Variants in DACH2 observed in about 807,000 individuals in gnomAD.
DACH2 encodes the protein dachshund family transcription factor 2.
In DACH2, 17 loss-of-function variants were observed where a neutral mutation model predicts 35.8. The ratio of observed to expected loss-of-function variants is 0.48; its 90% confidence interval spans 0.33 to 0.71. DACH2 has a LOEUF of 0.71. Among genes scored for constraint, DACH2 ranks in the 30% least tolerant of loss-of-function variants. The pLI is 0.02. For missense variants in DACH2, 469 were observed against 472.7 expected, an observed-to-expected ratio of 0.99 and a Z score of 0.07; for synonymous variants, 195 against 177.3, an observed-to-expected ratio of 1.10 and a Z score of -0.79.
In DACH2 at chrX:86,627,707, A is replaced by G. The variant is rs1293969043; in HGVS notation, c.641-23329A>G. Among the ~76,000 whole-genome samples the G allele has an allele frequency of 2.7e-5, 3 of 111,901 alleles. No individual in the cohort carries two copies. In the Admixed American group the frequency reaches 2.9e-4, roughly 11 times the overall value. On this transcript the variant is annotated intron_variant, in intron 3 of 11. Coordinates refer to ENST00000373125, the MANE Select transcript of DACH2 (RefSeq NM_053281.3). ...ATTTATATCAATACATCTATATTTA[A>G]TTTTATGTACTCATTAAATTGAGAA...
chrX:86,807,552 T>C (rs1323096765), intron 7 of DACH2, among the ~76,000 whole-genome samples: 2 of 111,884 alleles, frequency 1.8e-5, no homozygotes, highest in Non-Finnish European at 3.8e-5. Flanking sequence ...ATAACATATG[T>C]TAATATTTAC....
rs187786912 is a variant in DACH2 at position 86,827,936 on chromosome X, C to T, written c.1751-4170C>T. ...ACTGATAAATAGAACCTTACACATA[C>T]AGGAAAAATGTCCTAGAGAATGGGT... is the stretch of plus-strand genomic sequence containing the variant. On this transcript the variant is annotated intron_variant, in intron 11 of 11. Coordinates refer to ENST00000373125, the MANE Select transcript of DACH2 (RefSeq NM_053281.3). 2.1e-5 allele frequency: 12 copies of T among 569,290 alleles called. No individual in the cohort carries two copies. In the East Asian group the frequency reaches 4.1e-4, roughly 19 times the overall value. 46.9% of individuals were successfully genotyped at this position (569,290 alleles called of 1,213,427 possible).
At chrX:86,679,954 C>T (rs932083905) in intron 4 of DACH2, among the ~76,000 whole-genome samples, 2 of 110,968 alleles carry the variant, frequency 1.8e-5, no homozygotes, top group South Asian at 3.8e-4. Flanking sequence ...GAAAGAATAC[C>T]TAGTCTATTA....
rs2042623008 is a variant in DACH2, at chrX:86,832,476, G to A, written c.*321G>A. On this transcript the variant is annotated 3_prime_UTR_variant, in exon 12 of 12. Transcript: ENST00000373125. The stretch of plus-strand genomic sequence containing the variant: ...TTTTAAATTTTTAAAAAATGCAGTA[G>A]TGTGTTAGAGACTAGAAAGTTATAT... 2 of 206,157 alleles carry A rather than the reference G, an allele frequency of 9.7e-6. No homozygotes were observed. The highest frequency in any genetic ancestry group is 2.8e-4 in the South Asian group (2 of 7,077). The allele number at this position is 206,157 out of a possible 1,213,427, so 17.0% of individuals were successfully genotyped here.
At chrX:86,629,623 C>G (rs1338333306) in intron 3 of DACH2, among the ~76,000 whole-genome samples, 2 of 110,460 alleles carry the variant, frequency 1.8e-5, no homozygotes, top group Admixed American at 9.7e-5. Flanking sequence ...TGGCTCATGC[C>G]TCTAATCTTA....
chrX:86,553,662 A>G (rs759613982), intron 3 of DACH2, among the ~76,000 whole-genome samples: 1 of 111,989 alleles, frequency 8.9e-6, no homozygotes. Flanking sequence ...GACATTTTGT[A>G]GGTAGGTAGG....
At chrX:86,727,383 T>C (rs779874018) in intron 6 of DACH2, among the ~76,000 whole-genome samples, 2 of 112,163 alleles carry the variant, frequency 1.8e-5, no homozygotes, top group Non-Finnish European at 3.8e-5. Context: ...ATAAAACTTG[T>C]GAAAATTTAC....
At chrX:86,179,874 A>G (rs887582907) in intron 1 of DACH2, among the ~76,000 whole-genome samples, 5 of 109,431 alleles carry the variant, frequency 4.6e-5, no homozygotes, top group African/African-American at 1.7e-4. Flanking sequence ...TTTTCCTGAG[A>G]AATTAATCAG....
intron 7 of DACH2, among the ~76,000 whole-genome samples, chrX:86,776,184 G>A (rs913971129): frequency 9.0e-6 from 1 of 111,581 alleles, no homozygotes; most frequent in Non-Finnish European, 1.9e-5. Flanking sequence ...TACCATAAAC[G>A]GAGTGACTTA....
chrX:86,362,280 A>T (rs759365595), intron 1 of DACH2, among the ~76,000 whole-genome samples: 2 of 111,391 alleles, frequency 1.8e-5, no homozygotes, highest in East Asian at 5.6e-4. Flanking sequence ...ACTCTAAGGT[A>T]TAAATTCAGA....
chrX:86,313,497 G>A (rs911505982), intron 1 of DACH2, among the ~76,000 whole-genome samples: 19 of 111,926 alleles, frequency 1.7e-4, no homozygotes, highest in African/African-American at 6.2e-4. Context: ...GAGCTCTGAA[G>A]AAAACACCGA....
intron 1 of DACH2, among the ~76,000 whole-genome samples, chrX:86,174,119 G>GTTTTTTT (rs140747201): frequency 1.4e-5 from 1 of 71,760 alleles, no homozygotes; most frequent in Non-Finnish European, 2.6e-5. Context: ...GAGTACAGTT[G>GTTTTTTT]TTTTTTTTTT....
chrX:86,466,565 C>T, intron 2 of DACH2, among the ~76,000 whole-genome samples: 1 of 111,681 alleles, frequency 9.0e-6, no homozygotes, highest in Non-Finnish European at 1.9e-5. Context: ...AGTCCACAGT[C>T]CAAAGTCTCA....
chrX:86,825,756 A>C lies in DACH2; in HGVS notation c.1751-6350A>C, dbSNP rs188230122. On this transcript the variant is annotated intron_variant, in intron 11 of 11. Coordinates refer to ENST00000373125, the MANE Select transcript of DACH2 (RefSeq NM_053281.3). ...TGGCTCAACAGTTGCAGATCTCTGT[A>C]CTGGACATGTGCACTTCTATTGCCA... is the stretch of plus-strand genomic sequence containing the variant. Among the ~76,000 whole-genome samples, 38 of 111,845 alleles carry C rather than the reference A, an allele frequency of 3.4e-4. No homozygotes were observed. In the East Asian group the frequency reaches 7.4e-3, roughly 22 times the overall value.
At chrX:86,269,259 C>A (rs1451210573) in intron 1 of DACH2, among the ~76,000 whole-genome samples, 2 of 111,537 alleles carry the variant, frequency 1.8e-5, no homozygotes, top group Non-Finnish European at 3.8e-5. Flanking sequence ...TCTTTCTGTG[C>A]CTGGCTTATT....
intron 2 of DACH2, among the ~76,000 whole-genome samples, chrX:86,425,841 G>T (rs933402428): frequency 9.0e-6 from 1 of 110,610 alleles, no homozygotes; most frequent in Non-Finnish European, 1.9e-5. Context: ...TGGGCTAGGA[G>T]GACAGCTCCC....
At chrX:86,302,047 A>G (rs1307956733) in intron 1 of DACH2, among the ~76,000 whole-genome samples, 1 of 111,920 alleles carries the variant, frequency 8.9e-6, no homozygotes, top group Admixed American at 9.5e-5. Context: ...GTCTGAAGAA[A>G]ATTTTGGCTT....
chrX:86,737,958 C>T (rs1490946015), intron 6 of DACH2, among the ~76,000 whole-genome samples: 2 of 110,974 alleles, frequency 1.8e-5, no homozygotes, highest in Admixed American at 9.7e-5. Context: ...TTAAAGGTCA[C>T]TCACATCTCT....
chrX:86,237,980 C>T (rs1012993057), intron 1 of DACH2, among the ~76,000 whole-genome samples: 2 of 112,123 alleles, frequency 1.8e-5, no homozygotes, highest in Non-Finnish European at 3.8e-5. Context: ...CTTCTTATCT[C>T]GCTCAATGTG....
Sources: gnomAD v4.1 joint callset for allele counts (sites outside exome capture counted in the v4.1 genomes callset) on GRCh38, gnomAD v4.1.1 for gene constraint, MANE v1.5 for transcripts, NCBI Gene and HGNC (gene_info 2026-07-23, HGNC 2026-07-21) for gene names.